The following CARD16 variants were observed in gnomAD, a reference collection of about 807,000 sequenced individuals.
The protein encoded by CARD16 is caspase recruitment domain family member 16.
In CARD16, 8 loss-of-function variants were observed where a neutral mutation model predicts 11.9. That is an observed-to-expected ratio of 0.67 (90% CI 0.39 to 1.21). The LOEUF is 1.21. Among genes scored for constraint, CARD16 ranks in the 50% most tolerant of loss-of-function variants. The pLI, the probability that CARD16 is intolerant of heterozygous loss-of-function variation, is 0.01. For synonymous variants in CARD16, 44 were observed against 43.8 expected (o/e 1.00, Z -0.02); for missense variants, 131 against 118.1 (o/e 1.11, Z -0.51).
At chr11:105,043,850 A>G (rs1191695898) in intron 2 of CARD16, 2 of 318,658 alleles carry the variant, frequency 6.3e-6, no homozygotes, top group African/African-American at 4.3e-5. Flanking sequence ...TCAAAAGAAA[A>G]TGCATGGGGG....
rs1503391 is a variant in CARD16 at position 105,041,731 on chromosome 11, A to C, written c.*44-12T>G. ...CACTGCCTGAAGAGCTGCAAGAGAC[A>C]AGGAATATCATGAACAGTGGTATCC... On this transcript the variant is annotated splice_polypyrimidine_tract_variant and intron_variant, in intron 3 of 3. Coordinates refer to ENST00000673097, the MANE Select transcript of CARD16 (RefSeq NM_052889.4). The C allele has an allele frequency of 0.17, 271,671 of 1,612,054 alleles. 24,800 individuals carry two copies. Among genetic ancestry groups the C allele is most frequent in the Admixed American group, 0.3 (18,256 of 59,864 alleles).
chr11:105,043,782 TG>T, intron 2 of CARD16: 1 of 431,002 alleles, frequency 2.3e-6, no homozygotes. Context: ...CTGCAGATGA[TG>T]GAAGTCCAGG....
intron 3 of CARD16, among the ~76,000 whole-genome samples, chr11:105,043,231 T>C (rs539688565): frequency 6.6e-6 from 1 of 152,274 alleles, no homozygotes; most frequent in African/African-American, 2.4e-5. Flanking sequence ...ATTTCAGTAG[T>C]CTTAAATGAT....
intron 3 of CARD16, 24 bp downstream of exon 3, chr11:105,043,459 C>A: frequency 6.5e-7 from 1 of 1,530,800 alleles, no homozygotes; most frequent in Admixed American, 1.7e-5. Flanking sequence ...TCAAAGAATG[C>A]TCTTCATTGA....
intron 3 of CARD16, 50 bp downstream of exon 3, chr11:105,043,433 T>C (rs1864142887): frequency 3.1e-6 from 4 of 1,297,906 alleles, no homozygotes; most frequent in Admixed American, 1.8e-5. Flanking sequence ...TAAATTAATG[T>C]TAAAGAAGAT....
In CARD16 at chr11:105,044,565, A is replaced by T; in HGVS notation, c.101T>A (p.Val34Glu). The change falls in exon 2 of 4, where the codon GTG (valine) becomes GAG (glutamate). Residue 34 changes from valine (V) to glutamate (E), a missense_variant. Transcript: ENST00000673097. ...TTTCTCCATCTCTTCCTGGTTCAGC[A>T]CCCTTGTCTGTAATAATTCATCCAG... ...GLLDELLQTR[V>E]LNQEEMEKVK... 6.2e-7 allele frequency: 1 copy of T among 1,614,018 alleles called. No homozygotes were observed. The highest frequency in any genetic ancestry group is 8.5e-7 in the Non-Finnish European group (1 of 1,179,964).
chr11:105,043,902 T>A (rs1168851135), intron 2 of CARD16: 2 of 273,736 alleles, frequency 7.3e-6, no homozygotes, highest in Non-Finnish European at 1.4e-5. Flanking sequence ...TACTATTCTG[T>A]AATCATTGAA....
rs1222221240 is a variant in CARD16, at chr11:105,043,537, G to A, written c.283C>T (p.Pro95Ser). Residue 95 changes from proline to serine, a missense_variant, in exon 3 of 4, where the codon CCT becomes TCT. By Grantham distance (74) the Pro-to-Ser change is moderately conservative (BLOSUM62 -1). Transcript: ENST00000673097. ...ETLGLSAGPI[P>S]GN ...TCTTGTGTACTAAGCTAATTTCCAG[G>A]TATCGGACCTATAAAAAGATGAAGA... 1.2e-6 allele frequency: 2 copies of A among 1,607,150 alleles called. No homozygotes were observed. The highest frequency in any genetic ancestry group is 8.5e-7 in the Non-Finnish European group (1 of 1,174,698).
In CARD16 at chr11:105,041,680, C is replaced by A; in HGVS notation, c.*83G>T. Reference sequence around the variant, plus strand: ...CTTGATTCTGCCTTCTGGGCTTGAGCATGTGGGCATAGCTGGGTTGTCCTG... The same window carrying A: ...CTTGATTCTGCCTTCTGGGCTTGAGAATGTGGGCATAGCTGGGTTGTCCTG... On this transcript the variant is annotated 3_prime_UTR_variant, in exon 4 of 4. Transcript: ENST00000673097. The A allele has an allele frequency of 1.2e-6, 2 of 1,613,956 alleles. No homozygotes were observed. The highest frequency in any genetic ancestry group is 1.6e-4 in the Middle Eastern group (1 of 6,062).
Position 105,042,746 on chromosome 11 carries a change from T to C in CARD16, c.*43+737A>G, listed in dbSNP as rs554012184. Reference sequence around the variant, plus strand: ...ATAGAGAAAAACTAAAGAAAAGCATTTGAGTTATTTTTGAGAATACAGTAT... The same window carrying C: ...ATAGAGAAAAACTAAAGAAAAGCATCTGAGTTATTTTTGAGAATACAGTAT... On this transcript the variant is annotated intron_variant, in intron 3 of 3. Coordinates refer to ENST00000673097, the MANE Select transcript of CARD16 (RefSeq NM_052889.4). Among the ~76,000 whole-genome samples the C allele has an allele frequency of 2.0e-5, 3 of 152,200 alleles. No homozygotes were observed. The East Asian group carries it at 5.8e-4, about 29-fold the overall frequency.
rs1405998960 is a variant in CARD16 at position 105,044,586 on chromosome 11, T to C, written c.80A>G (p.Asp27Gly). ...CAGCACCCTTGTCTGTAATAATTCA[T>C]CCAGTAAGCCATTTATTGTACCTTC... ...MGEGTINGLL[D>G]ELLQTRVLNQ... Residue 27 changes from aspartate (D) to glycine (G), a missense_variant, in exon 2 of 4, where the codon GAT (aspartate) becomes GGT (glycine). Transcript: ENST00000673097. The C allele has an allele frequency of 6.2e-7, 1 of 1,614,122 alleles. No homozygotes were observed. The highest frequency in any genetic ancestry group is 8.5e-7 in the Non-Finnish European group (1 of 1,179,980).
At chr11:105,043,269 G>C (rs1368127619) in intron 3 of CARD16, among the ~76,000 whole-genome samples, 1 of 152,134 alleles carries the variant, frequency 6.6e-6, no homozygotes, top group Non-Finnish European at 1.5e-5. Flanking sequence ...TGGGTAATCA[G>C]AATTTGAGAT....
chr11:105,043,743 C>G (rs550144917), intron 2 of CARD16, among the ~76,000 whole-genome samples, 198 bp from the exon 3 acceptor site: 2 of 152,240 alleles, frequency 1.3e-5, no homozygotes, highest in East Asian at 3.9e-4. Flanking sequence ...AAGCTCATTT[C>G]CTGAGCACTG....
chr11:105,045,299 G>C lies in CARD16; in HGVS notation c.-2C>G. ...AACAGTAAAAGACTCACCGGCCATG[G>C]CTTTTCTCTCCTACCCTTCTTGTGT... On this transcript the variant is annotated 5_prime_UTR_variant, in exon 1 of 4. Transcript: ENST00000673097. 1 of 1,613,946 alleles carries C rather than the reference G, an allele frequency of 6.2e-7. No homozygotes were observed.
intron 2 of CARD16, 198 bp downstream of exon 2, chr11:105,044,194 T>A: frequency 1.2e-6 from 1 of 809,690 alleles, no homozygotes; most frequent in South Asian, 1.8e-5. Context: ...AAATGAACTT[T>A]AATCAGAAGA....
chr11:105,045,246 CTCTT>C, intron 1 of CARD16, 41 bp downstream of exon 1: 1 of 1,613,766 alleles, frequency 6.2e-7, no homozygotes, highest in Non-Finnish European at 8.5e-7. Context: ...CTTTCCACAA[CTCTT>C]TCTTCCCAGG....
In CARD16 at chr11:105,044,594, G is replaced by A. The variant is rs1864166761; in HGVS notation, c.72C>T (p.Gly24=). The A allele has an allele frequency of 6.2e-7, 1 of 1,614,086 alleles. No individual in the cohort carries two copies. The highest frequency in any genetic ancestry group is 8.5e-7 in the Non-Finnish European group (1 of 1,179,982). ...TTGTCTGTAATAATTCATCCAGTAA[G>A]CCATTTATTGTACCTTCACCCATGG... is the stretch of plus-strand genomic sequence containing the variant. ...IHSMGEGTIN[G]LLDELLQTRV... is the part of the protein sequence containing the mutation. Residue 24 remains glycine (G), a synonymous_variant, in exon 2 of 4, where the codon GGC becomes GGT. Transcript: ENST00000673097.
At chr11:105,041,772 G>C (rs922249856) in intron 3 of CARD16, 53 bp from the exon 4 acceptor site, 21 of 1,537,684 alleles carry the variant, frequency 1.4e-5, no homozygotes, top group Non-Finnish European at 1.9e-5. Flanking sequence ...TGTTCTTATA[G>C]CCTCACCTAT....
intron 2 of CARD16, 132 bp from the exon 3 acceptor site, chr11:105,043,677 G>A (rs1864147878): frequency 5.8e-6 from 4 of 695,228 alleles, no homozygotes; most frequent in Non-Finnish European, 5.1e-6. Context: ...ATGTTCAAGT[G>A]CACCAAAACT....
Sources: gnomAD v4.1 joint callset for allele counts (sites outside exome capture counted in the v4.1 genomes callset) on GRCh38, gnomAD v4.1.1 for gene constraint, MANE v1.5 for transcripts, NCBI Gene and HGNC (gene_info 2026-07-23, HGNC 2026-07-21) for gene names.